KIF15: variants seen among roughly 807,000 people sequenced by gnomAD.
The protein encoded by KIF15 is kinesin family member 15, also known as kinesin-like protein KIF15.
In KIF15, 140 loss-of-function variants were observed where a neutral mutation model predicts 190.6. The ratio of observed to expected loss-of-function variants is 0.73; its 90% CI spans 0.64 to 0.84. The LOEUF is 0.84. Ranked by LOEUF, KIF15 falls within the 40% of genes least tolerant of loss-of-function variation. The probability of loss-of-function intolerance (pLI) is 0.00; values close to 1 mark genes in which losing one functional copy is unlikely to be tolerated. For missense variants in KIF15, 1,372 were observed against 1,584.4 expected (o/e 0.87, Z 2.28); for synonymous variants, 528 against 551.3 (o/e 0.96, Z 0.59).
chr3:44,831,580 A>T (rs368096692), intron 26 of KIF15, among the ~76,000 whole-genome samples: 1 of 152,196 alleles, frequency 6.6e-6, no homozygotes, highest in African/African-American at 2.4e-5. Flanking sequence ...TTTAGCGAAG[A>T]TAAGTTTTAT....
downstream of KIF15, among the ~76,000 whole-genome samples, chr3:44,857,536 G>A (rs1699201221): frequency 6.6e-6 from 1 of 152,238 alleles, no homozygotes; most frequent in African/African-American, 2.4e-5. Context: ...GTTGGGATGA[G>A]TCACAGAGAG....
Position 44,826,110 on chromosome 3 carries a change from T to C in KIF15, c.2621T>C (p.Met874Thr). The C allele has an allele frequency of 6.3e-7, 1 of 1,589,040 alleles. No individual in the cohort carries two copies. Among genetic ancestry groups the C allele is most frequent in the South Asian group, 1.2e-5 (1 of 85,262 alleles). The change falls in exon 21 of 35, where the codon ATG (methionine) becomes ACG (threonine). Residue 874 changes from methionine (M) to threonine (T), a missense_variant. Met to Thr is a moderately conservative substitution (Grantham distance 81). Coordinates refer to ENST00000326047, the MANE Select transcript of KIF15 (RefSeq NM_020242.3). ...QDSYDNLQEIMKFEIDQLSRN... is the reference protein window; with the variant it reads ...QDSYDNLQEITKFEIDQLSRN... ...TCCTATGACAACTTACAAGAAATAA[T>C]GAAATTTGAGATTGACCAACTTTCA...
Position 44,821,568 on chromosome 3 carries a change from C to T in KIF15, c.2550-4471C>T, listed in dbSNP as rs182292520. Reference sequence around the variant, plus strand: ...GCTCCTCACTTCCTAGATGGGATGGCGGCCGGGAAGAGGCGCTCCTCACTT... The same window carrying T: ...GCTCCTCACTTCCTAGATGGGATGGTGGCCGGGAAGAGGCGCTCCTCACTT... On this transcript the variant is annotated intron_variant, in intron 20 of 34. Transcript: ENST00000326047. 8.4e-3 allele frequency among the ~76,000 whole-genome samples: 1,271 copies of T among 151,724 alleles called. 15 individuals carry two copies. Among genetic ancestry groups the T allele is most frequent in the South Asian group, 0.05 (240 of 4,806 alleles).
chr3:44,802,688 T>TG (rs1707333865), intron 13 of KIF15, 126 bp from the exon 14 acceptor site: 1 of 840,116 alleles, frequency 1.2e-6, no homozygotes, highest in African/African-American at 1.7e-5. Context: ...CTTTCCATGG[T>TG]GGTTGCAGAA....
At chr3:44,836,241 A>G (rs940124907) in intron 26 of KIF15, among the ~76,000 whole-genome samples, 1 of 152,106 alleles carries the variant, frequency 6.6e-6, no homozygotes, top group Non-Finnish European at 1.5e-5. Context: ...CTGTAATCCC[A>G]ACTACTCAGG....
intron 33 of KIF15, 33 bp downstream of exon 33, chr3:44,851,985 T>G (rs554923962): frequency 5.0e-6 from 8 of 1,591,120 alleles, no homozygotes; most frequent in Non-Finnish European, 6.8e-6. Context: ...TCATGATACT[T>G]AGAACACTCA....
downstream of KIF15, among the ~76,000 whole-genome samples, chr3:44,858,106 G>A (rs1403171513): frequency 6.6e-6 from 1 of 152,220 alleles, no homozygotes; most frequent in African/African-American, 2.4e-5. Context: ...GTCAGTCCAG[G>A]TAAAAGCAGA....
Position 44,794,305 on chromosome 3 carries a change from C to CA in KIF15, c.730dup (p.Ile244AsnfsTer8). On this transcript the variant is annotated frameshift_variant, in exon 8 of 35. Coordinates refer to ENST00000326047, the MANE Select transcript of KIF15 (RefSeq NM_020242.3). LOFTEE classifies it high-confidence loss of function. ...AGGTCTCATGCCGTCTTTACAATTA[C>CA]AATAGAGTCAATGGAGAAAAGTAAT... 6.2e-7 allele frequency: 1 copy of CA among 1,613,966 alleles called. No individual in the cohort carries two copies. Among genetic ancestry groups the CA allele is most frequent in the Non-Finnish European group, 8.5e-7 (1 of 1,179,898 alleles).
At position 44,810,891 on chromosome 3, in the gene KIF15, G is replaced by C; in HGVS notation, c.2017G>C (p.Val673Leu). The C allele has an allele frequency of 6.2e-7, 1 of 1,613,856 alleles. No homozygotes were observed. Among genetic ancestry groups the C allele is most frequent in the Non-Finnish European group, 8.5e-7 (1 of 1,179,970 alleles). The change falls in exon 17 of 35, where the codon GTA becomes CTA. Residue 673 changes from valine (V) to leucine (L), a missense_variant. Val to Leu is a conservative substitution (Grantham distance 32, BLOSUM62 1). Coordinates refer to ENST00000326047, the MANE Select transcript of KIF15 (RefSeq NM_020242.3). ...GGCCTACCAACTTCATTCCCGACCA[G>C]TACCAAAATTAAGCCCTGAAATGGG... ...TKAYQLHSRP[V>L]PKLSPEMGSF...
At chr3:44,775,127 G>A (rs764826908) in intron 2 of KIF15, 127 bp from the exon 3 acceptor site, 64 of 699,116 alleles carry the variant, frequency 9.2e-5, no homozygotes, top group Non-Finnish European at 1.5e-4. Flanking sequence ...AAATTTGTAT[G>A]GGATATGTCT....
At chr3:44,815,432 A>G (rs568405184) in intron 20 of KIF15, among the ~76,000 whole-genome samples, 2 of 152,290 alleles carry the variant, frequency 1.3e-5, no homozygotes, top group South Asian at 4.1e-4. Flanking sequence ...CTCTCTCCCA[A>G]TAGCCATGTA....
rs764981366 is a variant in KIF15, at chr3:44,784,906, A to G, written c.423A>G (p.Glu141=). 1.3e-6 allele frequency: 2 copies of G among 1,586,186 alleles called. No homozygotes were observed. Among genetic ancestry groups the G allele is most frequent in the African/African-American group, 1.4e-5 (1 of 73,742 alleles). Reference sequence around the variant, plus strand: ...GAGGAGTAATCCCACGAAGTTTTGAATATTTGTTTTCCTTAATTGATCGTG... The same window carrying G: ...GAGGAGTAATCCCACGAAGTTTTGAGTATTTGTTTTCCTTAATTGATCGTG... ...NLRGVIPRSF[E]YLFSLIDREK... is the part of the protein sequence containing the mutation. Residue 141 remains glutamate, a synonymous_variant, in exon 6 of 35, where the codon GAA becomes GAG. Transcript: ENST00000326047.
In KIF15 at chr3:44,800,435, G is replaced by C. The variant is rs1707212631; in HGVS notation, c.1220G>C (p.Arg407Thr). The C allele has an allele frequency of 6.2e-7, 1 of 1,613,494 alleles. No individual in the cohort carries two copies. The highest frequency in any genetic ancestry group is 8.5e-7 in the Non-Finnish European group (1 of 1,179,860). ...ACACCACCAGAAAGCTTCCTGACCA[G>C]AGGTAGGATGAGCACACAGTCCTTT... ...GQTPPESFLT[R>T]DKKKTNYMEY... Residue 407 changes from arginine to threonine, a missense_variant and splice_region_variant, in exon 11 of 35, where the codon AGA becomes ACA. Arg to Thr is a moderately conservative substitution (Grantham distance 71). Coordinates refer to ENST00000326047, the MANE Select transcript of KIF15 (RefSeq NM_020242.3).
intron 1 of KIF15, among the ~76,000 whole-genome samples, chr3:44,764,523 T>C (rs1043965079): frequency 1.3e-5 from 2 of 152,230 alleles, no homozygotes; most frequent in Admixed American, 1.3e-4. Context: ...GTTTTTATTA[T>C]AGTTAGGGCT....
intron 10 of KIF15, among the ~76,000 whole-genome samples, chr3:44,798,856 A>G (rs1297708822): frequency 6.6e-6 from 1 of 152,180 alleles, no homozygotes; most frequent in African/African-American, 2.4e-5. Flanking sequence ...GTGAGATCTC[A>G]CAGGTTCAGG....
At chr3:44,767,748 C>A (rs920671792) in intron 1 of KIF15, among the ~76,000 whole-genome samples, 3 of 151,026 alleles carry the variant, frequency 2.0e-5, no homozygotes, top group Admixed American at 6.6e-5. Context: ...ACAAAAAATT[C>A]TCAGGGCGTG....
intron 1 of KIF15, among the ~76,000 whole-genome samples, chr3:44,772,986 C>T (rs1031759543): frequency 2.1e-4 from 32 of 152,210 alleles, no homozygotes; most frequent in African/African-American, 7.2e-4. Context: ...CTAAGGTACC[C>T]CTCTTTCTGA....
At position 44,800,326 on chromosome 3, in the gene KIF15, G is replaced by A; in HGVS notation, c.1111G>A (p.Glu371Lys). 6.2e-7 allele frequency: 1 copy of A among 1,614,010 alleles called. No homozygotes were observed. The change falls in exon 11 of 35, where the codon GAA becomes AAA. Residue 371 changes from glutamate (E) to lysine (K), a missense_variant. Transcript: ENST00000326047. ...AATTCCTGAACAGGCAGTAGTAAAT[G>A]AAGACACCCAAGGAAATGTGAGCCA... ...KLIKNKAVVN[E>K]DTQGNVSQLQ...
intron 6 of KIF15, chr3:44,864,214 C>T (rs760118446): frequency 1.2e-5 from 20 of 1,613,918 alleles, no homozygotes; most frequent in Non-Finnish European, 1.6e-5. Context: ...TGGGTTTATG[C>T]GTCTTAGGCA....
Sources: allele counts gnomAD v4.1 joint callset (sites outside exome capture counted in the v4.1 genomes callset), GRCh38; gene constraint gnomAD v4.1.1; transcripts MANE v1.5; gene names NCBI Gene and HGNC (gene_info 2026-07-23, HGNC 2026-07-21).